The following C2CD3 variants were observed in gnomAD, a reference collection of about 807,000 sequenced individuals.
C2CD3 encodes the protein C2 domain-containing protein 3.
C2CD3 carries 148 observed loss-of-function variants against 234.0 expected under a neutral mutation model. The ratio of observed to expected loss-of-function variants is 0.63; its 90% confidence interval spans 0.55 to 0.72. C2CD3 has a LOEUF of 0.72. C2CD3 is among the 30% of genes least tolerant of loss of function. The probability of loss-of-function intolerance (pLI) is 0.00; values close to 1 mark genes in which losing one functional copy is unlikely to be tolerated. For missense variants in C2CD3, 2,577 were observed against 2,811.5 expected, an observed-to-expected ratio of 0.92 and a Z score of 1.89; for synonymous variants, 1,000 against 1,035.4, an observed-to-expected ratio of 0.97 and a Z score of 0.66.
rs1230173012 is a variant in C2CD3, at chr11:74,090,904, T to G, written c.3550A>C (p.Ser1184Arg). The change falls in exon 20 of 33, where the codon AGT becomes CGT. Residue 1184 changes from serine (S) to arginine (R), a missense_variant. Ser to Arg is a moderately radical substitution (Grantham distance 110). Transcript: ENST00000334126. ...AGAACTCCCTCTGCTGTTCTTGGACTACGCCTGTACCTTAGGCCCACATCC... is the reference window on the plus strand; with the variant it reads ...AGAACTCCCTCTGCTGTTCTTGGACGACGCCTGTACCTTAGGCCCACATCC... ...LLDVGLRYRR[S>R]PRTAEGVLAA... The G allele has an allele frequency of 3.7e-6, 6 of 1,614,120 alleles. No individual in the cohort carries two copies. The East Asian group carries it at 1.3e-4, about 36-fold the overall frequency.
In C2CD3 at chr11:74,048,295, T is replaced by A. The variant is rs1285522367; in HGVS notation, c.5405A>T (p.Tyr1802Phe). ...SPFSFPASDT[Y>F]AAFSSHMARQ... ...TGCCATGTGGCTGGAGAATGCAGCA[T>A]ACGTATCAGAGGCAGGGAAGGAAAA... The change falls in exon 28 of 33, where the codon TAT (tyrosine) becomes TTT (phenylalanine). Residue 1802 changes from tyrosine (Y) to phenylalanine (F), a missense_variant. By Grantham distance (22) the Tyr-to-Phe change is conservative. Coordinates refer to ENST00000334126, the MANE Select transcript of C2CD3 (RefSeq NM_001286577.2). 6.2e-7 allele frequency: 1 copy of A among 1,613,658 alleles called. No homozygotes were observed. Among genetic ancestry groups the A allele is most frequent in the Non-Finnish European group, 8.5e-7 (1 of 1,179,802 alleles).
intron 22 of C2CD3, among the ~76,000 whole-genome samples, chr11:74,081,921 G>A (rs1758269157): frequency 6.6e-6 from 1 of 152,072 alleles, no homozygotes; most frequent in Admixed American, 6.5e-5. Flanking sequence ...ATATAATCAT[G>A]TCATCTGCAA....
chr11:74,017,969 A>C (rs1454123604), intron 32 of C2CD3, among the ~76,000 whole-genome samples: 1 of 152,112 alleles, frequency 6.6e-6, no homozygotes, highest in African/African-American at 2.4e-5. Flanking sequence ...TATCTGAGGG[A>C]CTTTCTCAGA....
At chr11:74,124,597 T>C (rs562994744) in intron 7 of C2CD3, among the ~76,000 whole-genome samples, 1 of 152,182 alleles carries the variant, frequency 6.6e-6, no homozygotes, top group Non-Finnish European at 1.5e-5. Flanking sequence ...TTGAAAACCA[T>C]CAATCTATAG....
chr11:74,071,522 G>A (rs922702895), intron 24 of C2CD3, among the ~76,000 whole-genome samples: 12 of 152,104 alleles, frequency 7.9e-5, no homozygotes, highest in African/African-American at 2.7e-4. Context: ...TGTAACTTCA[G>A]GTCATTTTAC....
chr11:74,132,378 C>T (rs1402256524), intron 7 of C2CD3, among the ~76,000 whole-genome samples: 3 of 152,068 alleles, frequency 2.0e-5, no homozygotes, highest in Non-Finnish European at 2.9e-5. Flanking sequence ...AAAAAAACCC[C>T]GCAAAATATT....
rs1290363129 is a variant in C2CD3 at position 74,077,833 on chromosome 11, A to C, written c.4603+282T>G. Among the ~76,000 whole-genome samples the C allele has an allele frequency of 1.1e-3, 18 of 15,840 alleles. 2 individuals carry two copies. Among genetic ancestry groups the C allele is most frequent in the South Asian group, 3.5e-3 (2 of 570 alleles). 10.4% of individuals were successfully genotyped at this position (15,840 alleles called of 152,430 possible). On this transcript the variant is annotated intron_variant, in intron 23 of 32. Transcript: ENST00000334126. The stretch of plus-strand genomic sequence containing the variant: ...TATATATATATATATATATATATAT[A>C]TATATATATATATTATCTCTTTAGT...
At chr11:74,048,656 T>A (rs1421752599) in intron 27 of C2CD3, among the ~76,000 whole-genome samples, 2 of 152,220 alleles carry the variant, frequency 1.3e-5, no homozygotes, top group Admixed American at 1.3e-4. Flanking sequence ...ACCTTACATA[T>A]GAGGATAATC....
At chr11:74,156,459 C>CCA (rs1165250161) in intron 3 of C2CD3, among the ~76,000 whole-genome samples, 16 of 40,916 alleles carry the variant, frequency 3.9e-4, no homozygotes, top group African/African-American at 1.3e-3. Flanking sequence ...GACCCTATCT[C>CCA]AAAAAAAAAA....
chr11:74,161,985 T>G (rs1856509833), intron 2 of C2CD3, among the ~76,000 whole-genome samples: 1 of 152,138 alleles, frequency 6.6e-6, no homozygotes, highest in South Asian at 2.1e-4. Context: ...TGGGGTAATT[T>G]TTTTTATTTT....
In C2CD3 at chr11:74,103,367, C is replaced by T. The variant is rs147717518; in HGVS notation, c.2344G>A (p.Val782Ile). 4.8e-4 allele frequency: 773 copies of T among 1,614,164 alleles called. 3 individuals are homozygous for T. The African/African-American group carries it at 9.1e-3, about 19-fold the overall frequency. ...AAATTATGGGAGGCTGGCGTAGCTA[C>T]GAAGGTTGAAGGATGTGGTGCTACA... is the stretch of plus-strand genomic sequence containing the variant. ...SPVAPHPSTF[V>I]ATPASHNLVN... is the part of the protein sequence containing the mutation. The change falls in exon 14 of 33, where the codon GTA (valine) becomes ATA (isoleucine). Residue 782 changes from valine (V) to isoleucine (I), a missense_variant. Coordinates refer to ENST00000334126, the MANE Select transcript of C2CD3 (RefSeq NM_001286577.2).
chr11:74,090,544 G>A (rs1392553634), intron 20 of C2CD3, among the ~76,000 whole-genome samples: 1 of 152,180 alleles, frequency 6.6e-6, no homozygotes, highest in African/African-American at 2.4e-5. Flanking sequence ...ATGGTTTGAT[G>A]GTGTAGGGTA....
At chr11:74,129,995 G>C (rs1340230914) in intron 7 of C2CD3, 2 of 148,372 alleles carry the variant, frequency 1.3e-5, no homozygotes, top group African/African-American at 5.1e-5. Context: ...AATCAGCAGG[G>C]AGGTTGCAGT....
At chr11:74,017,305 C>T (rs963829498) in intron 32 of C2CD3, among the ~76,000 whole-genome samples, 7 of 152,164 alleles carry the variant, frequency 4.6e-5, no homozygotes, top group Non-Finnish European at 8.8e-5. Context: ...TTCCTGTGGA[C>T]CGGGTGTCAA....
chr11:74,085,122 A>G (rs544050060), intron 21 of C2CD3, 152 bp from the exon 22 acceptor site: 27 of 524,212 alleles, frequency 5.2e-5, no homozygotes, highest in African/African-American at 3.7e-4. Context: ...TCATGCCCCA[A>G]TCAAAGCCTG....
At position 74,025,702 on chromosome 11, in the gene C2CD3, G is replaced by C. The variant is rs147076150; in HGVS notation, c.6921+2585C>G. 1.6e-3 allele frequency among the ~76,000 whole-genome samples: 242 copies of C among 152,232 alleles called. 1 individual carries two copies. The highest frequency in any genetic ancestry group is 5.5e-3 in the African/African-American group (227 of 41,532). Reference sequence around the variant, plus strand: ...GACTTGTATCCACTATACTGTGGGAGTAGGGAGGATACGAGGGCTGGAGGG... The same window carrying C: ...GACTTGTATCCACTATACTGTGGGACTAGGGAGGATACGAGGGCTGGAGGG... On this transcript the variant is annotated intron_variant, in intron 32 of 32. Transcript: ENST00000334126.
intron 11 of C2CD3, chr11:74,109,407 T>A: frequency 5.1e-6 from 2 of 390,166 alleles, no homozygotes; most frequent in South Asian, 1.2e-4. Flanking sequence ...TGAATGTCAA[T>A]CATATGAGTA....
chr11:74,052,823 A>C (rs1463190351), intron 26 of C2CD3, among the ~76,000 whole-genome samples: 1 of 152,208 alleles, frequency 6.6e-6, no homozygotes, highest in Non-Finnish European at 1.5e-5. Context: ...AATTCCCTTT[A>C]CACTCTGATT....
At position 74,100,594 on chromosome 11, in the gene C2CD3, C is replaced by T. The variant is rs143196767; in HGVS notation, c.2663G>A (p.Arg888Gln). The stretch of plus-strand genomic sequence containing the variant: ...GAGCAGCTTGTCCTGTCCTGGGCTC[C>T]GCACCTTATTCCAAGTTTCAATTAC... ...VMVIETWNKVRSPGQDKLLGL... is the reference protein window; with the variant it reads ...VMVIETWNKVQSPGQDKLLGL... Residue 888 changes from arginine (R) to glutamine (Q), a missense_variant, in exon 15 of 33, where the codon CGG (arginine) becomes CAG (glutamine). Physicochemically the swap from Arg to Gln is conservative, Grantham distance 43. Transcript: ENST00000334126. 265 of 1,614,038 alleles carry T rather than the reference C, an allele frequency of 1.6e-4. No homozygotes were observed. Among genetic ancestry groups the T allele is most frequent in the Admixed American group, 5.5e-4 (33 of 60,012 alleles).
Sources: allele counts gnomAD v4.1 joint callset (sites outside exome capture counted in the v4.1 genomes callset), GRCh38; gene constraint gnomAD v4.1.1; transcripts MANE v1.5; gene names NCBI Gene and HGNC (gene_info 2026-07-23, HGNC 2026-07-21).